The following TTLL5 variants were observed in gnomAD, a reference collection of about 807,000 sequenced individuals.
TTLL5 encodes tubulin tyrosine ligase like 5.
In TTLL5, 132 loss-of-function variants were observed where a neutral mutation model predicts 168.4. That is an observed-to-expected ratio of 0.78 (90% CI 0.68 to 0.91). The LOEUF is 0.91. TTLL5 is among the 40% of genes least tolerant of loss of function. TTLL5 has a pLI of 0.00. For missense variants in TTLL5, 1,545 were observed against 1,581.5 expected (o/e 0.98, Z 0.39); for synonymous variants, 546 against 558.6 (o/e 0.98, Z 0.32).
intron 30 of TTLL5, among the ~76,000 whole-genome samples, chr14:75,888,710 T>G (rs888027054): frequency 6.6e-6 from 1 of 150,486 alleles, no homozygotes; most frequent in Non-Finnish European, 1.5e-5. Context: ...CCGAGGCGGG[T>G]GGGTCATGAG....
intron 18 of TTLL5, among the ~76,000 whole-genome samples, chr14:75,756,479 C>G (rs1259528852): frequency 6.7e-6 from 1 of 150,044 alleles, no homozygotes; most frequent in South Asian, 2.1e-4. Flanking sequence ...TAAATACACA[C>G]GTACATAAAT....
chr14:75,775,467 G>T lies in TTLL5; in HGVS notation c.2137-17G>T, dbSNP rs576967593. ...CATCCCTCCTTTTTTTTTCTCCCAC[G>T]ACTCTTTAATTTATAGGAGCTGGTT... On this transcript the variant is annotated splice_polypyrimidine_tract_variant and intron_variant, in intron 21 of 31. Coordinates refer to ENST00000298832, the MANE Select transcript of TTLL5 (RefSeq NM_015072.5). 2.5e-6 allele frequency: 4 copies of T among 1,599,534 alleles called. No individual in the cohort carries two copies. Among genetic ancestry groups the T allele is most frequent in the South Asian group, 1.1e-5 (1 of 89,090 alleles).
chr14:75,819,107 C>T (rs937325130), intron 27 of TTLL5, among the ~76,000 whole-genome samples: 8 of 152,124 alleles, frequency 5.3e-5, no homozygotes, highest in East Asian at 1.9e-4. Flanking sequence ...ATGTGTGCGA[C>T]GTACTCATTT....
At chr14:75,808,889 G>A (rs2140385156) in intron 27 of TTLL5, among the ~76,000 whole-genome samples, 1 of 151,948 alleles carries the variant, frequency 6.6e-6, no homozygotes, top group Admixed American at 6.5e-5. Flanking sequence ...GCCTCCCAAA[G>A]TGCTGGATTA....
At chr14:75,687,136 A>T (rs1885119405) in intron 5 of TTLL5, among the ~76,000 whole-genome samples, 1 of 152,228 alleles carries the variant, frequency 6.6e-6, no homozygotes, top group African/African-American at 2.4e-5. Flanking sequence ...AGGGTCATAG[A>T]CCTAAAAATA....
Position 75,707,044 on chromosome 14 carries a change from C to T in TTLL5, c.612C>T (p.Asn204=). 6.2e-7 allele frequency: 1 copy of T among 1,612,712 alleles called. No homozygotes were observed. The change falls in exon 8 of 32, where the codon AAC becomes AAT. Residue 204 remains asparagine (N), a synonymous_variant. Transcript: ENST00000298832. ...NNPNQISLEE[N]ILVSRYINNP... Reference sequence around the variant, plus strand: ...CAAACCAGATCTCCCTGGAAGAGAACATTTTGGTCTCCCGTTACATTAACA... The same window carrying T: ...CAAACCAGATCTCCCTGGAAGAGAATATTTTGGTCTCCCGTTACATTAACA...
intron 30 of TTLL5, among the ~76,000 whole-genome samples, chr14:75,889,400 A>G (rs767565014): frequency 1.3e-5 from 2 of 152,260 alleles, no homozygotes; most frequent in Non-Finnish European, 2.9e-5. Flanking sequence ...GATTAAATCA[A>G]TAGATACATA....
intron 31 of TTLL5, among the ~76,000 whole-genome samples, chr14:75,908,846 G>A (rs1449355539): frequency 6.6e-6 from 1 of 151,962 alleles, no homozygotes; most frequent in African/African-American, 2.4e-5. Flanking sequence ...GTGTGATCAC[G>A]GCTCACTGCA....
At chr14:75,907,445 A>G (rs1305273943) in intron 31 of TTLL5, among the ~76,000 whole-genome samples, 1 of 152,216 alleles carries the variant, frequency 6.6e-6, no homozygotes. Context: ...ACACTGATGC[A>G]TTAACGGCAC....
intron 31 of TTLL5, among the ~76,000 whole-genome samples, chr14:75,909,286 A>G (rs963603548): frequency 6.7e-6 from 1 of 148,274 alleles, no homozygotes; most frequent in African/African-American, 2.5e-5. Flanking sequence ...CTGCCCTAAA[A>G]TCGTCTCAGG....
chr14:75,885,348 C>T (rs1397821819), intron 30 of TTLL5, among the ~76,000 whole-genome samples: 3 of 151,550 alleles, frequency 2.0e-5, no homozygotes, highest in African/African-American at 4.8e-5. Context: ...AAAAATTAGC[C>T]GTGCATGATG....
At chr14:75,881,977 C>T (rs1187211879) in intron 29 of TTLL5, among the ~76,000 whole-genome samples, 1 of 152,114 alleles carries the variant, frequency 6.6e-6, no homozygotes, top group African/African-American at 2.4e-5. Context: ...TATAGGCTTA[C>T]CCTCTGAGCA....
intron 5 of TTLL5, among the ~76,000 whole-genome samples, chr14:75,688,084 T>C (rs978121664): frequency 6.6e-6 from 1 of 152,146 alleles, no homozygotes; most frequent in Non-Finnish European, 1.5e-5. Context: ...CCTTGGAATC[T>C]CCAGAGTGAG....
chr14:75,686,218 G>A (rs919642735), intron 5 of TTLL5, among the ~76,000 whole-genome samples: 1 of 152,152 alleles, frequency 6.6e-6, no homozygotes, highest in East Asian at 1.9e-4. Context: ...TCCAGTCGAG[G>A]CTAACCAAGG....
chr14:75,952,255 A>T (rs757805682), intron 31 of TTLL5, among the ~76,000 whole-genome samples: 1 of 152,108 alleles, frequency 6.6e-6, no homozygotes, highest in Non-Finnish European at 1.5e-5. Context: ...TTGGAGGATC[A>T]CTTGAGCCGA....
At chr14:75,773,249 A>G (rs1891454124) in intron 21 of TTLL5, among the ~76,000 whole-genome samples, 1 of 152,224 alleles carries the variant, frequency 6.6e-6, no homozygotes, top group Non-Finnish European at 1.5e-5. Flanking sequence ...TGCTCTTTCC[A>G]AGTGGAAAAT....
chr14:75,683,776 CTTT>C (rs11406886), intron 5 of TTLL5, 120 bp downstream of exon 5: 355 of 486,060 alleles, frequency 7.3e-4, no homozygotes, highest in Middle Eastern at 1.5e-3. Flanking sequence ...AGAAGAAGGA[CTTT>C]TTTTTTTTTT....
At chr14:75,674,466 C>A (rs1393984476) in intron 3 of TTLL5, among the ~76,000 whole-genome samples, 4 of 152,132 alleles carry the variant, frequency 2.6e-5, no homozygotes, top group Non-Finnish European at 5.9e-5. Flanking sequence ...GTGTTAGATG[C>A]CAAATTGGTT....
chr14:75,773,895 A>AG (rs1416605535), intron 21 of TTLL5, among the ~76,000 whole-genome samples: 2 of 132,596 alleles, frequency 1.5e-5, no homozygotes, highest in Admixed American at 1.6e-4. Flanking sequence ...GTCTCAAAAA[A>AG]AAAAAAAAAT....
Sources: gnomAD v4.1 joint callset for allele counts (sites outside exome capture counted in the v4.1 genomes callset) on GRCh38, gnomAD v4.1.1 for gene constraint, MANE v1.5 for transcripts, NCBI Gene and HGNC (gene_info 2026-07-23, HGNC 2026-07-21) for gene names.